Variants in RAB38 observed in about 807,000 individuals in gnomAD.
RAB38 encodes the protein ras-related protein Rab-38.
RAB38 carries 15 observed loss-of-function variants against 18.4 expected under a neutral mutation model. The ratio of observed to expected loss-of-function variants is 0.82; its 90% CI spans 0.55 to 1.26. The LOEUF (loss-of-function observed/expected upper bound fraction) is 1.26. RAB38 is among the 50% of genes most tolerant of loss of function. RAB38 has a pLI of 0.00. For synonymous variants in RAB38, 101 were observed against 104.4 expected (o/e 0.97, Z 0.20); for missense variants, 294 against 267.4 (o/e 1.10, Z -0.69).
chr11:87,944,191 T>A, the RAB38 span, among the ~76,000 whole-genome samples: 1 of 152,196 alleles, frequency 6.6e-6, no homozygotes, highest in Non-Finnish European at 1.5e-5. Context: ...CTAAAAATGC[T>A]AACAAAGTGA....
chr11:88,029,840 G>T, the RAB38 span, among the ~76,000 whole-genome samples: 1 of 152,022 alleles, frequency 6.6e-6, no homozygotes, highest in African/African-American at 2.4e-5. Flanking sequence ...AAGTCAACAA[G>T]GATACCAGGA....
chr11:87,843,327 G>C, the RAB38 span, among the ~76,000 whole-genome samples: 1 of 152,138 alleles, frequency 6.6e-6, no homozygotes, highest in Non-Finnish European at 1.5e-5. Flanking sequence ...AATTACTTTG[G>C]TTCCTTTTTT....
chr11:88,094,469 A>T, the RAB38 span, among the ~76,000 whole-genome samples: 1 of 151,870 alleles, frequency 6.6e-6, no homozygotes, highest in African/African-American at 2.4e-5. Context: ...CTTTCTGTAA[A>T]CAATCCTTTG....
the RAB38 span, among the ~76,000 whole-genome samples, chr11:87,931,834 G>T: frequency 2.0e-5 from 3 of 151,838 alleles, no homozygotes; most frequent in Non-Finnish European, 4.4e-5. Context: ...AACAAAATGA[G>T]ATGAATGTGT....
At chr11:87,883,738 A>G in the RAB38 span, among the ~76,000 whole-genome samples, 1 of 151,934 alleles carries the variant, frequency 6.6e-6, no homozygotes, top group Non-Finnish European at 1.5e-5. Flanking sequence ...AAGACAGGTC[A>G]GAGAGATGCA....
chr11:88,051,111 A>G, the RAB38 span, among the ~76,000 whole-genome samples: 1 of 152,156 alleles, frequency 6.6e-6, no homozygotes, highest in Non-Finnish European at 1.5e-5. Flanking sequence ...TTACTTATCT[A>G]TTGAATGTTT....
chr11:87,872,748 T>C, the RAB38 span, among the ~76,000 whole-genome samples: 1 of 151,676 alleles, frequency 6.6e-6, no homozygotes, highest in Admixed American at 6.6e-5. Context: ...TTTAGTAATA[T>C]GCATTTAAGG....
intron 1 of RAB38, among the ~76,000 whole-genome samples, chr11:88,163,203 A>G (rs1943207823): frequency 6.6e-6 from 1 of 152,152 alleles, no homozygotes; most frequent in African/African-American, 2.4e-5. Flanking sequence ...CGGTGTCTCC[A>G]TAACACAGGT....
chr11:87,967,358 G>A, the RAB38 span, among the ~76,000 whole-genome samples: 1 of 152,152 alleles, frequency 6.6e-6, no homozygotes, highest in African/African-American at 2.4e-5. Context: ...CAGTTAATGT[G>A]TGGTTTGGAC....
chr11:88,091,563 G>T, the RAB38 span, among the ~76,000 whole-genome samples: 1 of 151,994 alleles, frequency 6.6e-6, no homozygotes, highest in Non-Finnish European at 1.5e-5. Context: ...ACAGACCGCT[G>T]ATTGCCATCT....
At chr11:87,948,887 G>A in the RAB38 span, among the ~76,000 whole-genome samples, 5 of 151,780 alleles carry the variant, frequency 3.3e-5, no homozygotes, top group Non-Finnish European at 5.9e-5. Flanking sequence ...TTGGTATCAG[G>A]ATGATGCTGG....
chr11:87,973,887 C>G, the RAB38 span, among the ~76,000 whole-genome samples: 8 of 151,852 alleles, frequency 5.3e-5, no homozygotes, highest in Admixed American at 2.6e-4. Context: ...TAAGAGTCAC[C>G]CCATGCCCTA....
chr11:88,125,084 C>T (rs185715430), intron 2 of RAB38, among the ~76,000 whole-genome samples: 17 of 152,268 alleles, frequency 1.1e-4, no homozygotes, highest in African/African-American at 3.6e-4. Context: ...GATCACATGC[C>T]TCTAGTTTCT....
the RAB38 span, among the ~76,000 whole-genome samples, chr11:87,820,191 A>T: frequency 6.6e-6 from 1 of 152,154 alleles, no homozygotes; most frequent in East Asian, 1.9e-4. Flanking sequence ...AAACCATGTA[A>T]GCTTGCATTT....
At chr11:87,820,622 ACT>A in the RAB38 span, among the ~76,000 whole-genome samples, 2 of 152,118 alleles carry the variant, frequency 1.3e-5, no homozygotes, top group African/African-American at 4.8e-5. Context: ...CATGCATGAA[ACT>A]CTAAGGAAAA....
At chr11:88,027,527 C>A in the RAB38 span, among the ~76,000 whole-genome samples, 673 of 152,330 alleles carry the variant, frequency 4.4e-3, 4 homozygotes, top group African/African-American at 0.015. Flanking sequence ...CTGAATACTG[C>A]GCTTTTCTGA....
chr11:88,094,154 T>TA, the RAB38 span, among the ~76,000 whole-genome samples: 2 of 151,852 alleles, frequency 1.3e-5, no homozygotes, highest in Non-Finnish European at 2.9e-5. Context: ...TACATGAACA[T>TA]ACGCACAACA....
At chr11:88,028,144 T>C in the RAB38 span, among the ~76,000 whole-genome samples, 1 of 151,954 alleles carries the variant, frequency 6.6e-6, no homozygotes, top group Non-Finnish European at 1.5e-5. Context: ...TCTAGCAAAC[T>C]CCAACAGACC....
chr11:87,857,470 A>T, the RAB38 span, among the ~76,000 whole-genome samples: 1 of 152,236 alleles, frequency 6.6e-6, no homozygotes, highest in Non-Finnish European at 1.5e-5. Context: ...ACTAGTTTAC[A>T]GTCCCACCAA....
Sources: gnomAD v4.1 joint callset for allele counts (sites outside exome capture counted in the v4.1 genomes callset) on GRCh38, gnomAD v4.1.1 for gene constraint, MANE v1.5 for transcripts, NCBI Gene and HGNC (gene_info 2026-07-23, HGNC 2026-07-21) for gene names.